The following BOLL variants were observed in gnomAD, a reference collection of about 807,000 sequenced individuals.
BOLL encodes boule RNA binding protein, also known as protein boule-like.
In BOLL, 23 loss-of-function variants were observed where a neutral mutation model predicts 44.4. The observed-to-expected ratio is 0.52, with a 90% CI of 0.37 to 0.73. The LOEUF is 0.73. Among genes scored for constraint, BOLL ranks in the 30% least tolerant of loss-of-function variants. The probability of loss-of-function intolerance (pLI) is 0.00; values close to 1 mark genes in which losing one functional copy is unlikely to be tolerated. For missense variants in BOLL, 287 were observed against 338.3 expected (o/e 0.85, Z 1.19); for synonymous variants, 97 against 110.8 (o/e 0.88, Z 0.78).
chr2:197,770,086 G>C (rs1286709392), intron 6 of BOLL, among the ~76,000 whole-genome samples: 4 of 151,978 alleles, frequency 2.6e-5, no homozygotes, highest in Admixed American at 6.6e-5. Context: ...CATCACGCTA[G>C]CTGACTTCAA....
intron 10 of BOLL, among the ~76,000 whole-genome samples, chr2:197,735,607 G>C (rs2106316675): frequency 1.3e-5 from 2 of 152,166 alleles, no homozygotes; most frequent in South Asian, 4.1e-4. Flanking sequence ...GTGCCCTCTA[G>C]CCAAAGGATG....
upstream of BOLL, chr2:197,786,010 C>G: frequency 1.2e-6 from 2 of 1,612,400 alleles, no homozygotes; most frequent in Non-Finnish European, 1.7e-6. The surrounding 1 kb of genome is among the most constrained non-coding windows in gnomAD (Gnocchi z 5.9). Context: ...CCATCTTCCT[C>G]TCTGCTCTTC....
intron 2 of BOLL, 79 bp downstream of exon 2, chr2:197,781,643 A>C: frequency 8.0e-7 from 1 of 1,249,262 alleles, no homozygotes; most frequent in Non-Finnish European, 1.1e-6. Flanking sequence ...GTTATTTTAT[A>C]GTTGCACAAA....
chr2:197,754,437 C>T (rs1438525419), intron 9 of BOLL, among the ~76,000 whole-genome samples: 2 of 152,132 alleles, frequency 1.3e-5, no homozygotes, highest in African/African-American at 2.4e-5. Context: ...GGGCTGGGTG[C>T]AGTGGCTCAT....
intron 4 of BOLL, 128 bp downstream of exon 4, chr2:197,776,931 G>T (rs1574865204): frequency 3.1e-6 from 2 of 645,140 alleles, no homozygotes; most frequent in East Asian, 6.6e-5. Flanking sequence ...GTTTCCTAGA[G>T]ACCAATGCCA....
At chr2:197,773,210 C>A (rs1396023677) in intron 5 of BOLL, among the ~76,000 whole-genome samples, 2 of 151,612 alleles carry the variant, frequency 1.3e-5, no homozygotes, top group Admixed American at 6.6e-5. Flanking sequence ...CATGGATTCC[C>A]CCCAAAAGAT....
chr2:197,735,425 T>C (rs1245354511), intron 10 of BOLL, among the ~76,000 whole-genome samples: 1 of 152,178 alleles, frequency 6.6e-6, no homozygotes, highest in East Asian at 1.9e-4. Context: ...TTATCTTTTC[T>C]CTATTATTAT....
chr2:197,745,500 G>C (rs1309350954), intron 9 of BOLL, among the ~76,000 whole-genome samples: 1 of 152,092 alleles, frequency 6.6e-6, no homozygotes, highest in Admixed American at 6.6e-5. Flanking sequence ...CCATTAAATA[G>C]TGCATATATT....
chr2:197,738,912 A>G (rs1407346523), intron 10 of BOLL, among the ~76,000 whole-genome samples: 3 of 152,186 alleles, frequency 2.0e-5, no homozygotes, highest in Non-Finnish European at 4.4e-5. Flanking sequence ...GTAGAACAAC[A>G]TTTGTATATT....
chr2:197,766,150 A>T (rs1362737038), intron 7 of BOLL, among the ~76,000 whole-genome samples: 2 of 152,080 alleles, frequency 1.3e-5, no homozygotes, highest in African/African-American at 2.4e-5. Flanking sequence ...GAACATTCGC[A>T]TGCATGTGTC....
rs1689645626 is a variant in BOLL, at chr2:197,778,991, C to T, written c.205G>A (p.Ala69Thr). The T allele has an allele frequency of 6.2e-7, 1 of 1,610,958 alleles. No individual in the cohort carries two copies. The highest frequency in any genetic ancestry group is 8.5e-7 in the Non-Finnish European group (1 of 1,178,050). Residue 69 changes from alanine to threonine, a missense_variant, in exon 3 of 11, where the codon GCT becomes ACT. Coordinates refer to ENST00000392296, the MANE Select transcript of BOLL (RefSeq NM_033030.6). ...GATACTAACCCTTTGGATACTCCAG[C>T]TCTGTCATTTACAATCTTCACTTCT... is the stretch of plus-strand genomic sequence containing the variant. ...VKEVKIVNDRAGVSKGYGFVT... is the reference protein window; with the variant it reads ...VKEVKIVNDRTGVSKGYGFVT...
chr2:197,773,454 C>T (rs1469324957), intron 5 of BOLL, among the ~76,000 whole-genome samples: 1 of 151,700 alleles, frequency 6.6e-6, no homozygotes, highest in Non-Finnish European at 1.5e-5. Flanking sequence ...TAGTTGATTA[C>T]ACAATTAATT....
intron 7 of BOLL, among the ~76,000 whole-genome samples, chr2:197,761,029 T>C (rs1407851660): frequency 6.6e-6 from 1 of 152,116 alleles, no homozygotes; most frequent in Non-Finnish European, 1.5e-5. Flanking sequence ...AGAAATACGA[T>C]CTTTCACAAG....
intron 9 of BOLL, among the ~76,000 whole-genome samples, chr2:197,746,874 T>G: frequency 7.0e-6 from 1 of 143,432 alleles, no homozygotes. Context: ...CACTCCAACT[T>G]GGTGACAGAG....
intron 3 of BOLL, among the ~76,000 whole-genome samples, chr2:197,778,541 C>T (rs1349600192): frequency 1.3e-5 from 2 of 151,746 alleles, no homozygotes; most frequent in South Asian, 2.1e-4. Context: ...TTATATTTCT[C>T]ATACTGGTCC....
intron 10 of BOLL, among the ~76,000 whole-genome samples, chr2:197,742,606 T>C (rs941712440): frequency 3.3e-5 from 5 of 151,868 alleles, no homozygotes; most frequent in African/African-American, 7.3e-5. Context: ...TAGGTGGGAA[T>C]TGAACAATGA....
chr2:197,761,602 T>A (rs1191920223), intron 7 of BOLL, among the ~76,000 whole-genome samples: 2 of 152,120 alleles, frequency 1.3e-5, no homozygotes, highest in East Asian at 1.9e-4. Context: ...TCCTCACCTA[T>A]CAATAATAAC....
chr2:197,760,389 T>C (rs1177713031), intron 7 of BOLL, among the ~76,000 whole-genome samples: 1 of 151,640 alleles, frequency 6.6e-6, no homozygotes, highest in Non-Finnish European at 1.5e-5. Flanking sequence ...CCATGGGCTG[T>C]CCCCAGCAGA....
At chr2:197,776,931 G>A in intron 4 of BOLL, 128 bp downstream of exon 4, 1 of 645,142 alleles carries the variant, frequency 1.6e-6, no homozygotes, top group Non-Finnish European at 2.5e-6. Context: ...GTTTCCTAGA[G>A]ACCAATGCCA....
Sources: allele counts gnomAD v4.1 joint callset (sites outside exome capture counted in the v4.1 genomes callset), GRCh38; gene constraint gnomAD v4.1.1; non-coding constraint Gnocchi (gnomAD v3.1); transcripts MANE v1.5; gene names NCBI Gene and HGNC (gene_info 2026-07-23, HGNC 2026-07-21).